Variants in COL4A1 observed in about 807,000 individuals in gnomAD.
COL4A1 encodes collagen alpha-1(IV) chain.
A neutral mutation model predicts 216.6 loss-of-function variants in COL4A1; 40 were observed. The ratio of observed to expected loss-of-function variants is 0.18; its 90% CI spans 0.14 to 0.24. The LOEUF (loss-of-function observed/expected upper bound fraction) is 0.24. Among genes scored for constraint, COL4A1 ranks in the 10% least tolerant of loss-of-function variants. The pLI, the probability that COL4A1 is intolerant of heterozygous loss-of-function variation, is 1.00. For missense variants in COL4A1, 1,628 were observed against 2,196.8 expected (o/e 0.74, Z 5.18); for synonymous variants, 839 against 810.7 (o/e 1.03, Z -0.59).
intron 1 of COL4A1, 54 bp downstream of exon 1, chr13:110,306,890 G>C: frequency 2.8e-6 from 4 of 1,412,178 alleles, no homozygotes; most frequent in Non-Finnish European, 3.7e-6. Flanking sequence ...GGGGCCTCTC[G>C]GGGCGCCCAA....
chr13:110,250,165 C>A (rs1444243560), intron 1 of COL4A1, among the ~76,000 whole-genome samples: 1 of 151,548 alleles, frequency 6.6e-6, no homozygotes, highest in Admixed American at 6.6e-5. Flanking sequence ...AATATTTCTG[C>A]CCTAATTTGA....
chr13:110,210,001 A>G lies in COL4A1; in HGVS notation c.594T>C (p.Pro198=). Residue 198 remains proline, a synonymous_variant, in exon 10 of 52, where the codon CCT becomes CCC. Coordinates refer to ENST00000375820, the MANE Select transcript of COL4A1 (RefSeq NM_001845.6). ...GLPGLQGPVG[P]PGFTGPPGPP... ...TTACTGGTGGTCCGGTAAATCCTGGAGGCCCAACAGGACCTTGAAGCCCTG... is the reference window on the plus strand; with the variant it reads ...TTACTGGTGGTCCGGTAAATCCTGGGGGCCCAACAGGACCTTGAAGCCCTG... 6.2e-7 allele frequency: 1 copy of G among 1,614,172 alleles called. No homozygotes were observed. The highest frequency in any genetic ancestry group is 8.5e-7 in the Non-Finnish European group (1 of 1,180,024).
intron 40 of COL4A1, 64 bp downstream of exon 40, chr13:110,173,836 A>T (rs989495576): frequency 1.3e-6 from 2 of 1,586,176 alleles, no homozygotes; most frequent in Non-Finnish European, 1.7e-6. Flanking sequence ...GAACACAGGC[A>T]GTCTGCAGGT....
At chr13:110,213,083 T>C (rs1164470599) in intron 4 of COL4A1, among the ~76,000 whole-genome samples, 1 of 152,034 alleles carries the variant, frequency 6.6e-6, no homozygotes, top group Non-Finnish European at 1.5e-5. Context: ...TGTAAAGGCA[T>C]AAGAGTGATA....
At chr13:110,202,442 A>G (rs184044313) in intron 18 of COL4A1, among the ~76,000 whole-genome samples, 10 of 152,332 alleles carry the variant, frequency 6.6e-5, no homozygotes, top group Admixed American at 2.0e-4. Context: ...AAATGTGCCA[A>G]TGTTAAATAG....
chr13:110,203,176 G>A (rs976579232), intron 18 of COL4A1, among the ~76,000 whole-genome samples: 1 of 151,710 alleles, frequency 6.6e-6, no homozygotes, highest in Non-Finnish European at 1.5e-5. Context: ...TCGCACCACT[G>A]CACTCCAGCC....
intron 1 of COL4A1, among the ~76,000 whole-genome samples, chr13:110,249,139 ATCTG>A (rs1412252076): frequency 1.3e-5 from 2 of 152,104 alleles, no homozygotes. Flanking sequence ...GAACGGAGGC[ATCTG>A]TCTATGGGGA....
chr13:110,229,512 C>T (rs1193994110), intron 2 of COL4A1, among the ~76,000 whole-genome samples: 1 of 152,206 alleles, frequency 6.6e-6, no homozygotes, highest in Non-Finnish European at 1.5e-5. Flanking sequence ...TCCTGCATCC[C>T]AGGATAATAA....
intron 25 of COL4A1, 138 bp from the exon 26 acceptor site, chr13:110,186,691 C>T: frequency 1.9e-6 from 2 of 1,049,186 alleles, no homozygotes; most frequent in South Asian, 1.6e-5. Flanking sequence ...ATCTACCCTC[C>T]CAGGAGGGCC....
chr13:110,211,181 T>C lies in COL4A1; in HGVS notation c.468+466A>G, dbSNP rs143184482. Among the ~76,000 whole-genome samples, 639 of 152,164 alleles carry C rather than the reference T, an allele frequency of 4.2e-3. 5 individuals carry two copies. Among genetic ancestry groups the C allele is most frequent in the African/African-American group, 0.014 (585 of 41,530 alleles). On this transcript the variant is annotated intron_variant, in intron 8 of 51. Coordinates refer to ENST00000375820, the MANE Select transcript of COL4A1 (RefSeq NM_001845.6). This position sits in a 1 kb window ranked among gnomAD's most constrained non-coding sequence, Gnocchi z 4.3. Reference sequence around the variant, plus strand: ...CCCTTTGACAAGGCTGATCCCAACATCCAGATGCCCGAGGTCCCCGCCCTG... The same window carrying C: ...CCCTTTGACAAGGCTGATCCCAACACCCAGATGCCCGAGGTCCCCGCCCTG...
chr13:110,257,463 C>A (rs1262383647), intron 1 of COL4A1, among the ~76,000 whole-genome samples: 1 of 152,216 alleles, frequency 6.6e-6, no homozygotes, highest in Non-Finnish European at 1.5e-5. Flanking sequence ...TTCCAAAGGA[C>A]CTACCTAAAA....
At chr13:110,256,044 G>T (rs1207556140) in intron 1 of COL4A1, among the ~76,000 whole-genome samples, 1 of 152,078 alleles carries the variant, frequency 6.6e-6, no homozygotes, top group Non-Finnish European at 1.5e-5. Context: ...TTTATGTGAA[G>T]ATTTTTATTC....
chr13:110,210,509 G>A (rs1879742161), intron 8 of COL4A1, among the ~76,000 whole-genome samples: 1 of 152,084 alleles, frequency 6.6e-6, no homozygotes, highest in Non-Finnish European at 1.5e-5. Context: ...CTCTAGACAA[G>A]GGCCCTTGTC....
chr13:110,258,984 C>T (rs867984537), intron 1 of COL4A1, among the ~76,000 whole-genome samples: 2 of 152,334 alleles, frequency 1.3e-5, no homozygotes, highest in Middle Eastern at 3.4e-3. Context: ...CATTCACCGG[C>T]GATCCTGAGC....
At chr13:110,233,061 T>C (rs1465627092) in intron 2 of COL4A1, among the ~76,000 whole-genome samples, 1 of 152,206 alleles carries the variant, frequency 6.6e-6, no homozygotes, top group Non-Finnish European at 1.5e-5. Flanking sequence ...GGGCCTCGTG[T>C]GCAGAATAAA....
chr13:110,219,429 T>A (rs111532673), intron 2 of COL4A1, among the ~76,000 whole-genome samples: 5 of 152,142 alleles, frequency 3.3e-5, no homozygotes, highest in Admixed American at 2.0e-4. Flanking sequence ...ATTAAACCAA[T>A]CATGCATAAA....
At chr13:110,224,745 A>C (rs1880659138) in intron 2 of COL4A1, among the ~76,000 whole-genome samples, 8 of 152,242 alleles carry the variant, frequency 5.3e-5, no homozygotes, top group Admixed American at 5.2e-4. Context: ...TTAGTGCCTA[A>C]GTACTTAGAC....
chr13:110,244,842 A>G (rs1216933997), intron 1 of COL4A1, among the ~76,000 whole-genome samples: 1 of 152,146 alleles, frequency 6.6e-6, no homozygotes, highest in East Asian at 1.9e-4. Flanking sequence ...AACCCATACT[A>G]AGAAATCAAG....
At position 110,207,351 on chromosome 13, in the gene COL4A1, G is replaced by T; in HGVS notation, c.780+52C>A. The T allele has an allele frequency of 6.7e-7, 1 of 1,486,536 alleles. No homozygotes were observed. The highest frequency in any genetic ancestry group is 9.4e-7 in the Non-Finnish European group (1 of 1,063,544). The allele number at this position is 1,486,536 out of a possible 1,614,324, so 92.1% of individuals were successfully genotyped here. A position where few individuals can be genotyped will look rare whatever the true frequency, so the allele number is the denominator to read the frequency against. On this transcript the variant is annotated intron_variant, in intron 13 of 51. Transcript: ENST00000375820. This position sits in a 1 kb window ranked among gnomAD's most constrained non-coding sequence, Gnocchi z 4.4. ...TGACCCATTTTCTCTTTATCTTTTG[G>T]AATTTGTCCAAAATTAGAAAATCAG...
Sources: allele counts gnomAD v4.1 joint callset (sites outside exome capture counted in the v4.1 genomes callset), GRCh38; gene constraint gnomAD v4.1.1; non-coding constraint Gnocchi (gnomAD v3.1); transcripts MANE v1.5; gene names NCBI Gene and HGNC (gene_info 2026-07-23, HGNC 2026-07-21).